ABCA4: variants seen among roughly 807,000 people sequenced by gnomAD.
ABCA4 encodes the protein ATP binding cassette subfamily A member 4.
A neutral mutation model predicts 263.7 loss-of-function variants in ABCA4; 196 were observed. The ratio of observed to expected loss-of-function variants is 0.74; its 90% confidence interval spans 0.66 to 0.84. The LOEUF is 0.84. Among genes scored for constraint, ABCA4 ranks in the 40% least tolerant of loss-of-function variants. The pLI is 0.00. For synonymous variants in ABCA4, 1,133 were observed against 1,094.2 expected (o/e 1.04, Z -0.70); for missense variants, 2,792 against 2,855.1 (o/e 0.98, Z 0.50).
chr1:94,112,367 A>C (rs1662631969), intron 2 of ABCA4, among the ~76,000 whole-genome samples: 1 of 152,254 alleles, frequency 6.6e-6, no homozygotes, highest in Non-Finnish European at 1.5e-5. Flanking sequence ...GAACTCATCT[A>C]CAAATCTGTT....
intron 11 of ABCA4, among the ~76,000 whole-genome samples, 199 bp from the exon 12 acceptor site, chr1:94,063,516 G>T (rs1033106759): frequency 2.0e-5 from 3 of 152,220 alleles, no homozygotes; most frequent in Admixed American, 1.3e-4. Flanking sequence ...GCGCCAGAGA[G>T]CTTGGAAGTG....
intron 11 of ABCA4, among the ~76,000 whole-genome samples, chr1:94,066,123 G>A (rs892463212): frequency 3.3e-5 from 5 of 152,196 alleles, no homozygotes. Flanking sequence ...TGGGTCTGTT[G>A]AGGGTGGGGG....
At chr1:94,080,808 C>A (rs1413958411) in intron 7 of ABCA4, 90 bp from the exon 8 acceptor site, 1 of 1,565,262 alleles carries the variant, frequency 6.4e-7, no homozygotes, top group South Asian at 1.1e-5. Flanking sequence ...GGTTTGACTT[C>A]CACATTTAAA....
At position 94,010,884 on chromosome 1, in the gene ABCA4, T is replaced by G; in HGVS notation, c.5630A>C (p.Lys1877Thr). 6.2e-7 allele frequency: 1 copy of G among 1,614,154 alleles called. No individual in the cohort carries two copies. The change falls in exon 40 of 50, where the codon AAG becomes ACG. Residue 1877 changes from lysine to threonine, a missense_variant. Lys to Thr is a moderately conservative substitution (Grantham distance 78, BLOSUM62 -1). Coordinates refer to ENST00000370225, the MANE Select transcript of ABCA4 (RefSeq NM_000350.3). ...TTCCACCACCATGGCAAACAGGTTC[T>G]TCCCAATCAGGTCCCAGTGGAACGG... ...ANPFHWDLIG[K>T]NLFAMVVEGV...
At chr1:94,023,877 GTAAAATGACAAAATGGGAAATGAACAGA>G (rs1659968927) in intron 31 of ABCA4, among the ~76,000 whole-genome samples, 1 of 152,124 alleles carries the variant, frequency 6.6e-6, no homozygotes, top group Non-Finnish European at 1.5e-5. Flanking sequence ...TCAATCAAGG[GTAAAATGACAAAATGGGAAATGAACAGA>G]TGCCAACTCT....
chr1:94,048,268 A>G (rs2101058955), intron 18 of ABCA4, among the ~76,000 whole-genome samples: 1 of 152,196 alleles, frequency 6.6e-6, no homozygotes, highest in Middle Eastern at 3.4e-3. Context: ...TAGGGAATGA[A>G]AAGCCTTGGG....
intron 13 of ABCA4, chr1:94,061,369 C>A: frequency 6.3e-6 from 1 of 158,602 alleles, no homozygotes; most frequent in South Asian, 1.8e-4. Flanking sequence ...TGGAGGAGAC[C>A]CTGGTATATC....
rs1227130414 is a variant in ABCA4, at chr1:94,041,198, C to G, written c.3522+11G>C. The G allele has an allele frequency of 1.2e-6, 2 of 1,613,980 alleles. No individual in the cohort carries two copies. The highest frequency in any genetic ancestry group is 1.7e-6 in the Non-Finnish European group (2 of 1,180,026). On this transcript the variant is annotated intron_variant, in intron 23 of 49. Transcript: ENST00000370225. ...ACCCAGGCCAGGGTCCTTCCCTGGG[C>G]AGACACCTACCTCACTGCCTTTCCT... is the stretch of plus-strand genomic sequence containing the variant.
rs755496556 is a variant in ABCA4 at position 94,077,932 on chromosome 1, T to C, written c.1357-45A>G. On this transcript the variant is annotated intron_variant, in intron 10 of 49. Coordinates refer to ENST00000370225, the MANE Select transcript of ABCA4 (RefSeq NM_000350.3). The stretch of plus-strand genomic sequence containing the variant: ...GTCACTGCTCTGCTTAGAAATTCCA[T>C]AGGATCTTTGGTCTTGTTCTTCAGC... The C allele has an allele frequency of 2.1e-4, 334 of 1,570,114 alleles. 2 individuals are homozygous for C. The Admixed American group carries it at 4.6e-3, about 22-fold the overall frequency.
chr1:94,102,022 G>A lies in ABCA4; in HGVS notation c.570+993C>T, dbSNP rs1042312363. 6.6e-5 allele frequency among the ~76,000 whole-genome samples: 10 copies of A among 152,190 alleles called. 1 individual carries two copies. The highest frequency in any genetic ancestry group is 3.9e-4 in the Admixed American group (6 of 15,286). ...GTAAGAAACACTGGATTAGGATTGA[G>A]AGGACCTGGATTCCATCTGGCTCTG... On this transcript the variant is annotated intron_variant, in intron 5 of 49. Coordinates refer to ENST00000370225, the MANE Select transcript of ABCA4 (RefSeq NM_000350.3).
In ABCA4 at chr1:93,993,077, T is replaced by G. The variant is rs1658911999; in HGVS notation, c.*160A>C. On this transcript the variant is annotated 3_prime_UTR_variant, in exon 50 of 50. Transcript: ENST00000370225. ...AGTTTCGGTTTCCTTCTGAAAGACC[T>G]CTTTCTGAATTCGCTGCATGCTCCT... The G allele has an allele frequency of 1.1e-6, 1 of 912,478 alleles. No individual in the cohort carries two copies. Among genetic ancestry groups the G allele is most frequent in the African/African-American group, 1.7e-5 (1 of 60,088 alleles). The allele number at this position is 912,478 out of a possible 1,614,324, so 56.5% of individuals were successfully genotyped here. A position where few individuals can be genotyped will look rare whatever the true frequency, so the allele number is the denominator to read the frequency against.
At chr1:94,081,893 A>G (rs547259642) in intron 7 of ABCA4, among the ~76,000 whole-genome samples, 1 of 152,344 alleles carries the variant, frequency 6.6e-6, no homozygotes, top group Non-Finnish European at 1.5e-5. Context: ...ACGAAATTAA[A>G]ATAATGCTGC....
chr1:94,035,376 T>C (rs1660310194), intron 26 of ABCA4, among the ~76,000 whole-genome samples: 2 of 152,200 alleles, frequency 1.3e-5, no homozygotes, highest in African/African-American at 2.4e-5. Context: ...TGCTGTCCCC[T>C]GGAGAGGACT....
intron 29 of ABCA4, among the ~76,000 whole-genome samples, chr1:94,030,211 T>C (rs928270011): frequency 2.6e-5 from 4 of 152,148 alleles, no homozygotes; most frequent in South Asian, 4.1e-4. Flanking sequence ...CTGAGAAATA[T>C]AGAGCTGTCC....
At position 94,047,070 on chromosome 1, in the gene ABCA4, G is replaced by T; in HGVS notation, c.2767C>A (p.Pro923Thr). Residue 923 changes from proline (P) to threonine (T), a missense_variant, in exon 19 of 50, where the codon CCA becomes ACA. By Grantham distance (38) the Pro-to-Thr change is conservative. Coordinates refer to ENST00000370225, the MANE Select transcript of ABCA4 (RefSeq NM_000350.3). ...ACGCATACCCCAGGAACCCACCCTG[G>T]ATGCTCACGTTCAAAGAAGGAGTCT... ...IHDSFFEREHPGWVPGVCVKN... is the reference protein window; with the variant it reads ...IHDSFFEREHTGWVPGVCVKN... 6.2e-7 allele frequency: 1 copy of T among 1,614,156 alleles called. No homozygotes were observed. The highest frequency in any genetic ancestry group is 8.5e-7 in the Non-Finnish European group (1 of 1,180,040).
intron 36 of ABCA4, among the ~76,000 whole-genome samples, chr1:94,017,360 A>G (rs991177313): frequency 2.0e-5 from 3 of 152,150 alleles, no homozygotes; most frequent in African/African-American, 7.2e-5. Flanking sequence ...TGCTGCCAAG[A>G]TGCACACCCT....
intron 11 of ABCA4, among the ~76,000 whole-genome samples, chr1:94,064,976 C>A (rs1285880357): frequency 6.6e-6 from 1 of 152,088 alleles, no homozygotes; most frequent in African/African-American, 2.4e-5. Context: ...TGATGTACTG[C>A]AGGCTTTAAG....
intron 2 of ABCA4, among the ~76,000 whole-genome samples, chr1:94,112,359 A>C (rs1311760134): frequency 6.6e-6 from 1 of 152,116 alleles, no homozygotes; most frequent in Non-Finnish European, 1.5e-5. Flanking sequence ...ATTTTCGAGA[A>C]CTCATCTACA....
intron 4 of ABCA4, among the ~76,000 whole-genome samples, chr1:94,105,782 A>G (rs1389232239): frequency 1.3e-5 from 2 of 152,156 alleles, no homozygotes; most frequent in Non-Finnish European, 1.5e-5. Flanking sequence ...TTTACCATTA[A>G]TCCTCCCTGC....
Sources: gnomAD v4.1 joint callset for allele counts (sites outside exome capture counted in the v4.1 genomes callset) on GRCh38, gnomAD v4.1.1 for gene constraint, MANE v1.5 for transcripts, NCBI Gene and HGNC (gene_info 2026-07-23, HGNC 2026-07-21) for gene names.